The following WTIP variants were observed in gnomAD, a reference collection of about 807,000 sequenced individuals.
WTIP encodes the protein Wilms tumor protein 1-interacting protein.
A neutral mutation model predicts 41.7 loss-of-function variants in WTIP; 23 were observed. That is an observed-to-expected ratio of 0.55 (90% CI 0.40 to 0.78). The LOEUF is 0.78. Among genes scored for constraint, WTIP ranks in the 30% least tolerant of loss-of-function variants. WTIP has a pLI of 0.00. For synonymous variants in WTIP, 314 were observed against 269.9 expected (o/e 1.16, Z -1.60); for missense variants, 619 against 610.5 (o/e 1.01, Z -0.15).
At chr19:34,490,783 G>A (rs760103925) in intron 2 of WTIP, among the ~76,000 whole-genome samples, 1 of 152,184 alleles carries the variant, frequency 6.6e-6, no homozygotes, top group African/African-American at 2.4e-5. Context: ...CCTTCTGCCT[G>A]TCTGGACATA....
rs1260531904 is a variant in WTIP at position 34,495,552 on chromosome 19, T to G, written c.1084-151T>G. On this transcript the variant is annotated intron_variant, in intron 6 of 7. Coordinates refer to ENST00000590071, the MANE Select transcript of WTIP (RefSeq NM_001080436.2). Reference sequence around the variant, plus strand: ...GTGTGTGTGCACCTGCTGGAGCCTGTCCCGCCCCACAGAAGCAGCGTGGCA... The same window carrying G: ...GTGTGTGTGCACCTGCTGGAGCCTGGCCCGCCCCACAGAAGCAGCGTGGCA... 12 of 779,658 alleles carry G rather than the reference T, an allele frequency of 1.5e-5. No homozygotes were observed. The Admixed American group carries it at 2.6e-4, about 17-fold the overall frequency. The allele number at this position is 779,658 out of a possible 1,614,324, so 48.3% of individuals were successfully genotyped here. A position where few individuals can be genotyped will look rare whatever the true frequency, so the allele number is the denominator to read the frequency against.
Position 34,482,439 on chromosome 19 carries a change from C to T in WTIP, c.465C>T (p.Ala155=). 7.6e-7 allele frequency: 1 copy of T among 1,319,750 alleles called. No homozygotes were observed. Among genetic ancestry groups the T allele is most frequent in the African/African-American group, 1.6e-5 (1 of 64,278 alleles). 81.8% of individuals were successfully genotyped at this position (1,319,750 alleles called of 1,614,324 possible). ...TCGGCTCCCGGGGCTCGGCCGGCGCCTACGCTGACTTCCTCCCGCCCGGCG... is the reference window on the plus strand; with the variant it reads ...TCGGCTCCCGGGGCTCGGCCGGCGCTTACGCTGACTTCCTCCCGCCCGGCG... The part of the protein sequence containing the change: ...SSLGSRGSAG[A]YADFLPPGAC... The change falls in exon 1 of 8, where the codon GCC becomes GCT. Residue 155 remains alanine (A), a synonymous_variant. Coordinates refer to ENST00000590071, the MANE Select transcript of WTIP (RefSeq NM_001080436.2).
rs910715825 is a variant in WTIP, at chr19:34,506,838, G to C, written c.*6569G>C. The C allele has an allele frequency of 1.3e-5, 2 of 152,122 alleles. No homozygotes were observed. The highest frequency in any genetic ancestry group is 4.8e-5 in the African/African-American group (2 of 41,434). 9.4% of individuals were successfully genotyped at this position (152,122 alleles called of 1,614,324 possible). ...TGGTTAAAAATTGAGTCTCCCTGAA[G>C]TAGGTGCTCTTTCCCGTGAAAACTA... On this transcript the variant is annotated 3_prime_UTR_variant, in exon 8 of 8. Coordinates refer to ENST00000590071, the MANE Select transcript of WTIP (RefSeq NM_001080436.2).
rs1313520113 is a variant in WTIP at position 34,482,605 on chromosome 19, C to A, written c.631C>A (p.Arg211=). 1 of 1,229,800 alleles carries A rather than the reference C, an allele frequency of 8.1e-7. No homozygotes were observed. The highest frequency in any genetic ancestry group is 1.0e-6 in the Non-Finnish European group (1 of 986,902). The allele number at this position is 1,229,800 out of a possible 1,614,324, so 76.2% of individuals were successfully genotyped here. ...RLEALTRELE[R]ALEARTARDY... is the part of the protein sequence containing the mutation. Reference sequence around the variant, plus strand: ...GGAGGCGCTCACCCGGGAGCTGGAGCGGGCGCTCGAGGCGCGCACGGCGCG... The same window carrying A: ...GGAGGCGCTCACCCGGGAGCTGGAGAGGGCGCTCGAGGCGCGCACGGCGCG... Residue 211 remains arginine, a synonymous_variant, in exon 1 of 8, where the codon CGG becomes AGG. Transcript: ENST00000590071.
intron 1 of WTIP, among the ~76,000 whole-genome samples, chr19:34,488,014 C>T (rs1356503826): frequency 6.6e-6 from 1 of 152,212 alleles, no homozygotes; most frequent in Non-Finnish European, 1.5e-5. Context: ...GGTGTGGTCC[C>T]TGATTCCATC....
rs2075843799 is a variant in WTIP at position 34,494,653 on chromosome 19, C to T, written c.1083+16C>T. 1.2e-6 allele frequency: 2 copies of T among 1,611,830 alleles called. No homozygotes were observed. The highest frequency in any genetic ancestry group is 2.2e-5 in the South Asian group (2 of 90,736). On this transcript the variant is annotated intron_variant, in intron 6 of 7. Transcript: ENST00000590071. ...CCCTGCACAGGTAGGAGCCACTCACCCAGAGATGATCAGGTGCCTGGCCCA... is the reference window on the plus strand; with the variant it reads ...CCCTGCACAGGTAGGAGCCACTCACTCAGAGATGATCAGGTGCCTGGCCCA...
At chr19:34,499,021 C>G (rs762194676) in intron 7 of WTIP, among the ~76,000 whole-genome samples, 8 of 151,006 alleles carry the variant, frequency 5.3e-5, no homozygotes, top group Non-Finnish European at 1.2e-4. Context: ...TCAGCCTGAT[C>G]AGCATAGCAA....
At chr19:34,488,784 A>C (rs11667080) in intron 1 of WTIP, among the ~76,000 whole-genome samples, 1 of 151,778 alleles carries the variant, frequency 6.6e-6, no homozygotes, top group Non-Finnish European at 1.5e-5. Context: ...CTGCCTGTGG[A>C]CCCAGCTTCT....
chr19:34,484,154 T>C (rs549281783), intron 1 of WTIP, among the ~76,000 whole-genome samples: 1 of 152,084 alleles, frequency 6.6e-6, no homozygotes, highest in African/African-American at 2.4e-5. Flanking sequence ...CTTGATCTCC[T>C]GACCTCATGA....
chr19:34,500,478 C>G lies in WTIP; in HGVS notation c.*209C>G, dbSNP rs1014428411. On this transcript the variant is annotated 3_prime_UTR_variant, in exon 8 of 8. Coordinates refer to ENST00000590071, the MANE Select transcript of WTIP (RefSeq NM_001080436.2). ...CTTCCCTGCGGGCCCTGCCTCCCAC[C>G]CACCCCATCACCAGCTTTCCACTTG... 9 of 660,560 alleles carry G rather than the reference C, an allele frequency of 1.4e-5. No individual in the cohort carries two copies. Among genetic ancestry groups the G allele is most frequent in the Non-Finnish European group, 1.9e-5 (8 of 420,340 alleles). The allele number at this position is 660,560 out of a possible 1,614,324, so 40.9% of individuals were successfully genotyped here. A position where few individuals can be genotyped will look rare whatever the true frequency, so the allele number is the denominator to read the frequency against.
rs1345477923 is a variant in WTIP at position 34,481,873 on chromosome 19, C to G, written c.-102C>G. ...CGCCCCGCCCCGCGCCCAGGGGTCCCGGGGCGGGCTCCGGGCTTCGGGCGG... is the reference window on the plus strand; with the variant it reads ...CGCCCCGCCCCGCGCCCAGGGGTCCGGGGGCGGGCTCCGGGCTTCGGGCGG... On this transcript the variant is annotated 5_prime_UTR_variant, in exon 1 of 8. Transcript: ENST00000590071. 8.3e-6 allele frequency: 6 copies of G among 719,852 alleles called. No homozygotes were observed. Among genetic ancestry groups the G allele is most frequent in the Non-Finnish European group, 1.0e-5 (6 of 589,196 alleles). The allele number at this position is 719,852 out of a possible 1,614,324, so 44.6% of individuals were successfully genotyped here.
In WTIP at chr19:34,508,206, T is replaced by A. The variant is rs922474417; in HGVS notation, c.*7937T>A. On this transcript the variant is annotated 3_prime_UTR_variant, in exon 8 of 8. Transcript: ENST00000590071. ...CTCCGGCCTCAGCCTCCCAAGTAGC[T>A]GGGATTACAGGCACCTGCCATCACT... The A allele has an allele frequency of 1.3e-5, 2 of 152,184 alleles. No individual in the cohort carries two copies. The highest frequency in any genetic ancestry group is 2.9e-5 in the Non-Finnish European group (2 of 68,092). The allele number at this position is 152,184 out of a possible 1,614,324, so 9.4% of individuals were successfully genotyped here.
chr19:34,484,932 C>CT (rs2075789940), intron 1 of WTIP, among the ~76,000 whole-genome samples: 2 of 71,836 alleles, frequency 2.8e-5, no homozygotes, highest in Non-Finnish European at 5.3e-5. Flanking sequence ...CCTGTCTTTT[C>CT]TTTAAAAAAA....
chr19:34,500,795 A>AGGAGGGGGTGAGGGGTGACACCCTTGG lies in WTIP; in HGVS notation c.*535_*561dup. Reference sequence around the variant, plus strand: ...GGGTGCCTGGTTTAGGCGGGGTCCCAGGAGGGGGTGAGGGGTGACACCCTT... The same window carrying AGGAGGGGGTGAGGGGTGACACCCTTGG: ...GGGTGCCTGGTTTAGGCGGGGTCCCAGGAGGGGGTGAGGGGTGACACCCTTGGGGAGGGGGTGAGGGGTGACACCCTT... On this transcript the variant is annotated 3_prime_UTR_variant, in exon 8 of 8. Transcript: ENST00000590071. 6.5e-6 allele frequency: 1 copy of AGGAGGGGGTGAGGGGTGACACCCTTGG among 153,454 alleles called. No individual in the cohort carries two copies. The highest frequency in any genetic ancestry group is 1.9e-4 in the East Asian group (1 of 5,204). The allele number at this position is 153,454 out of a possible 1,614,324, so 9.5% of individuals were successfully genotyped here. A position where few individuals can be genotyped will look rare whatever the true frequency, so the allele number is the denominator to read the frequency against.
chr19:34,510,842 A>G lies in WTIP; in HGVS notation c.*10573A>G, dbSNP rs1001496267. 7 of 152,276 alleles carry G rather than the reference A, an allele frequency of 4.6e-5. No homozygotes were observed. The highest frequency in any genetic ancestry group is 7.3e-5 in the Non-Finnish European group (5 of 68,076). The allele number at this position is 152,276 out of a possible 1,614,324, so 9.4% of individuals were successfully genotyped here. A position where few individuals can be genotyped will look rare whatever the true frequency, so the allele number is the denominator to read the frequency against. Reference sequence around the variant, plus strand: ...ATGCCGCCAATCTCTTTGCTTAAACATAACAAGAATCACCTTTGCTCCAGT... The same window carrying G: ...ATGCCGCCAATCTCTTTGCTTAAACGTAACAAGAATCACCTTTGCTCCAGT... On this transcript the variant is annotated 3_prime_UTR_variant, in exon 8 of 8. Coordinates refer to ENST00000590071, the MANE Select transcript of WTIP (RefSeq NM_001080436.2).
At chr19:34,487,653 T>G (rs373864174) in intron 1 of WTIP, among the ~76,000 whole-genome samples, 1 of 152,114 alleles carries the variant, frequency 6.6e-6, no homozygotes, top group African/African-American at 2.4e-5. Context: ...TTCTCTTTGT[T>G]GACTGAGGAA....
At position 34,493,415 on chromosome 19, in the gene WTIP, G is replaced by A. The variant is rs914824909; in HGVS notation, c.901-77G>A. On this transcript the variant is annotated intron_variant, in intron 4 of 7. Transcript: ENST00000590071. This position sits in a 1 kb window ranked among gnomAD's most constrained non-coding sequence, Gnocchi z 4.1. ...CTCCCCTGCTCCAGACCTGCCAGGG[G>A]TTCAGGGCCAGAGCCTCTCCCAGGG... The A allele has an allele frequency of 2.5e-6, 4 of 1,596,146 alleles. No individual in the cohort carries two copies. Among genetic ancestry groups the A allele is most frequent in the Admixed American group, 1.8e-5 (1 of 56,088 alleles).
chr19:34,490,275 C>T (rs1434685176), intron 1 of WTIP, 101 bp from the exon 2 acceptor site: 3 of 1,075,116 alleles, frequency 2.8e-6, no homozygotes, highest in Non-Finnish European at 4.2e-6. Flanking sequence ...AAGTTAGCAT[C>T]CCCCAGGTCA....
chr19:34,496,817 G>A lies in WTIP; in HGVS notation c.1152+1046G>A, dbSNP rs113563514. On this transcript the variant is annotated intron_variant, in intron 7 of 7. Transcript: ENST00000590071. ...TGGGCGGGGGTTCAGCGACCCTGCC[G>A]ACAGCTGTGGGAATTTGGGGTCACT... Among the ~76,000 whole-genome samples the A allele has an allele frequency of 3.7e-3, 562 of 152,176 alleles. 2 individuals carry two copies. Among genetic ancestry groups the A allele is most frequent in the African/African-American group, 0.013 (531 of 41,518 alleles).
Sources: gnomAD v4.1 joint callset for allele counts (sites outside exome capture counted in the v4.1 genomes callset) on GRCh38, gnomAD v4.1.1 for gene constraint, Gnocchi (gnomAD v3.1) non-coding constraint, MANE v1.5 for transcripts, NCBI Gene and HGNC (gene_info 2026-07-23, HGNC 2026-07-21) for gene names.